The following SGCZ variants were observed in gnomAD, a reference collection of about 807,000 sequenced individuals.
The protein encoded by SGCZ is zeta-sarcoglycan.
SGCZ carries 40 observed loss-of-function variants against 41.3 expected under a neutral mutation model. The observed-to-expected ratio is 0.97, with a 90% CI of 0.75 to 1.26. The LOEUF is 1.26. Among genes scored for constraint, SGCZ ranks in the 50% most tolerant of loss-of-function variants. The pLI is 0.00. For synonymous variants in SGCZ, 206 were observed against 137.5 expected, an observed-to-expected ratio of 1.50 and a Z score of -3.49; for missense variants, 552 against 369.8, an observed-to-expected ratio of 1.49 and a Z score of -4.04.
chr8:14,847,126 A>G (rs909276773), intron 1 of SGCZ, among the ~76,000 whole-genome samples: 215 of 126,444 alleles, frequency 1.7e-3, no homozygotes, highest in African/African-American at 6.1e-3. Context: ...GAAGAAGAAG[A>G]AAGAAGAAGA....
At position 14,754,370 on chromosome 8, in the gene SGCZ, T is replaced by C. The variant is rs538009410; in HGVS notation, c.40-199444A>G. On this transcript the variant is annotated intron_variant, in intron 1 of 7. Transcript: ENST00000382080. ...CTTCAACCTCTCTCTGTTTTTCTTC[T>C]TTTCCATAGTAGATACTACACTCTA... Among the ~76,000 whole-genome samples the C allele has an allele frequency of 4.6e-5, 7 of 152,318 alleles. No homozygotes were observed. The South Asian group carries it at 6.2e-4, about 14-fold the overall frequency.
chr8:14,283,030 T>C (rs1203951551), intron 3 of SGCZ, among the ~76,000 whole-genome samples: 1 of 150,920 alleles, frequency 6.6e-6, no homozygotes. Context: ...TTTGTATTTT[T>C]AGTAGAGACG....
intron 1 of SGCZ, among the ~76,000 whole-genome samples, chr8:14,994,821 C>A (rs747498919): frequency 7.2e-5 from 11 of 152,126 alleles, no homozygotes; most frequent in Non-Finnish European, 1.5e-4. Flanking sequence ...CTTCATTTCT[C>A]AAATATTATA....
chr8:14,696,273 G>A (rs1015912631), intron 1 of SGCZ, among the ~76,000 whole-genome samples: 3 of 152,050 alleles, frequency 2.0e-5, no homozygotes, highest in Non-Finnish European at 4.4e-5. Flanking sequence ...TACCAAATAT[G>A]AGAACTTTAG....
intron 2 of SGCZ, among the ~76,000 whole-genome samples, chr8:14,535,904 G>T (rs982190536): frequency 3.3e-5 from 5 of 151,838 alleles, no homozygotes; most frequent in African/African-American, 1.2e-4. Context: ...GGGAATCTGT[G>T]TGAGGGTACA....
chr8:14,712,583 T>C (rs143916312), intron 1 of SGCZ, among the ~76,000 whole-genome samples: 54 of 152,300 alleles, frequency 3.5e-4, no homozygotes, highest in African/African-American at 1.2e-3. Flanking sequence ...ATCTCTGAGA[T>C]GGAAGCAATT....
chr8:14,424,475 AG>A (rs1175374056), intron 2 of SGCZ, among the ~76,000 whole-genome samples: 2 of 152,170 alleles, frequency 1.3e-5, no homozygotes, highest in African/African-American at 4.8e-5. Context: ...CATTATAAAA[AG>A]CTTATTTTTC....
At chr8:15,001,470 C>T (rs1802418174) in intron 1 of SGCZ, among the ~76,000 whole-genome samples, 1 of 152,080 alleles carries the variant, frequency 6.6e-6, no homozygotes. Flanking sequence ...TGGCTCACGC[C>T]CGCAATCCCA....
chr8:14,094,710 C>T (rs1354203456), intron 7 of SGCZ, among the ~76,000 whole-genome samples: 1 of 152,078 alleles, frequency 6.6e-6, no homozygotes, highest in Non-Finnish European at 1.5e-5. Flanking sequence ...GGAATCTCCG[C>T]ACTGTCTTCC....
intron 6 of SGCZ, among the ~76,000 whole-genome samples, chr8:14,107,239 TA>T (rs200495044): frequency 0.3 from 43,770 of 145,228 alleles, 7,044 homozygotes; most frequent in East Asian, 0.71. Flanking sequence ...AAAAAATAAA[TA>T]AAAAAAAAAA....
At chr8:14,579,066 G>A (rs1804803912) in intron 1 of SGCZ, among the ~76,000 whole-genome samples, 1 of 152,016 alleles carries the variant, frequency 6.6e-6, no homozygotes, top group South Asian at 2.1e-4. Context: ...CACAAAGTAA[G>A]CTCAAAGTAA....
At chr8:14,873,473 G>A (rs1446242833) in intron 1 of SGCZ, among the ~76,000 whole-genome samples, 2 of 152,130 alleles carry the variant, frequency 1.3e-5, no homozygotes, top group Non-Finnish European at 2.9e-5. Flanking sequence ...TACTTTATTT[G>A]TAAGGTGGGG....
At chr8:14,949,789 A>T (rs1800570065) in intron 1 of SGCZ, among the ~76,000 whole-genome samples, 1 of 152,140 alleles carries the variant, frequency 6.6e-6, no homozygotes, top group Admixed American at 6.6e-5. Flanking sequence ...TGTGATCAAT[A>T]AAACCAAGGC....
At chr8:14,219,733 G>A (rs909986650) in intron 4 of SGCZ, among the ~76,000 whole-genome samples, 4 of 140,904 alleles carry the variant, frequency 2.8e-5, no homozygotes, top group South Asian at 2.5e-4. Context: ...GCGACAGAGT[G>A]AGACTTCGTC....
intron 1 of SGCZ, among the ~76,000 whole-genome samples, chr8:14,602,696 C>G (rs1327741478): frequency 6.6e-6 from 1 of 152,078 alleles, no homozygotes; most frequent in Admixed American, 6.6e-5. Context: ...GCTTCTCTGG[C>G]AGCATTTTAT....
intron 1 of SGCZ, among the ~76,000 whole-genome samples, chr8:14,649,727 T>C (rs1428019585): frequency 6.6e-6 from 1 of 152,048 alleles, no homozygotes; most frequent in African/African-American, 2.4e-5. Flanking sequence ...GTAACCTGTC[T>C]ACCACCTGAA....
intron 1 of SGCZ, among the ~76,000 whole-genome samples, chr8:14,645,482 A>ATATATATATATATATATC: frequency 9.3e-6 from 1 of 106,988 alleles, no homozygotes; most frequent in East Asian, 2.8e-4. Flanking sequence ...ATATATTTAT[A>ATATATATATATATATATC]TGTATATATA....
rs953370338 is a variant in SGCZ, at chr8:14,086,510, T to C, written c.*3933A>G. On this transcript the variant is annotated 3_prime_UTR_variant, in exon 8 of 8. Transcript: ENST00000382080. Reference sequence around the variant, plus strand: ...ACAGTTCAGCAATTAACCTCTGTGATCACATTATCATTTCTTCAAAAGATC... The same window carrying C: ...ACAGTTCAGCAATTAACCTCTGTGACCACATTATCATTTCTTCAAAAGATC... 2.0e-5 allele frequency among the ~76,000 whole-genome samples: 3 copies of C among 151,784 alleles called. No individual in the cohort carries two copies. Among genetic ancestry groups the C allele is most frequent in the African/African-American group, 4.8e-5 (2 of 41,416 alleles).
At chr8:14,411,489 G>T (rs528290750) in intron 2 of SGCZ, among the ~76,000 whole-genome samples, 69 of 152,106 alleles carry the variant, frequency 4.5e-4, no homozygotes, top group African/African-American at 1.6e-3. Flanking sequence ...ACATTACCGA[G>T]GGAAGATTGA....
Sources: gnomAD v4.1 joint callset for allele counts (sites outside exome capture counted in the v4.1 genomes callset) on GRCh38, gnomAD v4.1.1 for gene constraint, MANE v1.5 for transcripts, NCBI Gene and HGNC (gene_info 2026-07-23, HGNC 2026-07-21) for gene names.